Variants in CPPED1 observed in about 807,000 individuals in gnomAD.
CPPED1 encodes calcineurin like phosphoesterase domain containing 1.
A neutral mutation model predicts 28.0 loss-of-function variants in CPPED1; 28 were observed. The ratio of observed to expected loss-of-function variants is 1.00; its 90% CI spans 0.74 to 1.37. The LOEUF (loss-of-function observed/expected upper bound fraction) is 1.37, where lower values mean the gene tolerates loss of function less well. Ranked by LOEUF, CPPED1 falls within the 40% of genes most tolerant of loss-of-function variation. The probability of loss-of-function intolerance (pLI) is 0.00; values close to 1 mark genes in which losing one functional copy is unlikely to be tolerated. For synonymous variants in CPPED1, 198 were observed against 180.2 expected (o/e 1.10, Z -0.79); for missense variants, 504 against 416.5 (o/e 1.21, Z -1.83).
intron 2 of CPPED1, among the ~76,000 whole-genome samples, chr16:12,715,950 A>G (rs2080105027): frequency 6.6e-6 from 1 of 152,178 alleles, no homozygotes; most frequent in Non-Finnish European, 1.5e-5. Context: ...CAGGGAAGCC[A>G]AAAGACTGGA....
rs183635433 is a variant in CPPED1 at position 12,744,109 on chromosome 16, T to C, written c.289+37076A>G. ...GGCTAACATGGTGAAACCCTGTCTC[T>C]ACTAAAAATACAAAAAATTAGCCGG... On this transcript the variant is annotated intron_variant, in intron 2 of 3. Coordinates refer to ENST00000381774, the MANE Select transcript of CPPED1 (RefSeq NM_018340.3). 5.4e-4 allele frequency among the ~76,000 whole-genome samples: 82 copies of C among 151,794 alleles called. 1 individual carries two copies. The East Asian group carries it at 0.01, about 19-fold the overall frequency.
intron 2 of CPPED1, among the ~76,000 whole-genome samples, chr16:12,739,449 C>T (rs897186566): frequency 6.6e-6 from 1 of 152,050 alleles, no homozygotes; most frequent in Non-Finnish European, 1.5e-5. Context: ...GGCATGGTGG[C>T]AGGCGCCTGT....
At chr16:12,765,211 T>C (rs1156942861) in intron 2 of CPPED1, among the ~76,000 whole-genome samples, 1 of 152,250 alleles carries the variant, frequency 6.6e-6, no homozygotes, top group Non-Finnish European at 1.5e-5. Context: ...TGTAAATTCA[T>C]TGATCTAAAA....
chr16:12,685,449 C>CA (rs200771681), intron 3 of CPPED1, among the ~76,000 whole-genome samples: 2,223 of 152,156 alleles, frequency 0.015, 49 homozygotes, highest in African/African-American at 0.05. Flanking sequence ...GATTTCATCT[C>CA]AAAAAATAAA....
chr16:12,693,981 G>A (rs570943830), intron 3 of CPPED1, among the ~76,000 whole-genome samples: 203 of 152,222 alleles, frequency 1.3e-3, no homozygotes, highest in Non-Finnish European at 2.7e-3. Context: ...TGAGGTGGGC[G>A]GGTCACCTGA....
intron 3 of CPPED1, among the ~76,000 whole-genome samples, chr16:12,697,101 T>G (rs1313792452): frequency 3.3e-5 from 5 of 152,140 alleles, no homozygotes; most frequent in Non-Finnish European, 7.3e-5. Flanking sequence ...CTCAGCTCAC[T>G]GTAACCTCTG....
At position 12,704,802 on chromosome 16, in the gene CPPED1, C is replaced by G. The variant is rs1470018457; in HGVS notation, c.537G>C (p.Gln179His). The change falls in exon 3 of 4, where the codon CAG becomes CAC. Residue 179 changes from glutamine to histidine, a missense_variant. Gln to His is a conservative substitution (Grantham distance 24, BLOSUM62 0). Coordinates refer to ENST00000381774, the MANE Select transcript of CPPED1 (RefSeq NM_018340.3). ...GCTCGTCCAGCCACTGGTCCTGAGCCTGCTTCAGGCTGGGGCATTTGGAGG... is the reference window on the plus strand; with the variant it reads ...GCTCGTCCAGCCACTGGTCCTGAGCGTGCTTCAGGCTGGGGCATTTGGAGG... ...ENPSKCPSLK[Q>H]AQDQWLDEQL... 6.2e-7 allele frequency: 1 copy of G among 1,614,128 alleles called. No homozygotes were observed. The highest frequency in any genetic ancestry group is 1.3e-5 in the African/African-American group (1 of 74,946).
At chr16:12,777,181 T>C (rs898663447) in intron 2 of CPPED1, among the ~76,000 whole-genome samples, 1 of 152,222 alleles carries the variant, frequency 6.6e-6, no homozygotes, top group South Asian at 2.1e-4. Context: ...TGAAGAACTC[T>C]TCAAGGAAAC....
At chr16:12,788,852 T>C (rs1400284497) in intron 1 of CPPED1, among the ~76,000 whole-genome samples, 2 of 152,212 alleles carry the variant, frequency 1.3e-5, no homozygotes, top group Non-Finnish European at 2.9e-5. Flanking sequence ...GACCCAGAGC[T>C]TTTCCCTGGT....
intron 1 of CPPED1, among the ~76,000 whole-genome samples, chr16:12,781,725 G>C (rs1353409638): frequency 6.6e-6 from 1 of 152,094 alleles, no homozygotes; most frequent in Non-Finnish European, 1.5e-5. Context: ...GAAGATATTC[G>C]TGCTCCATAA....
intron 3 of CPPED1, among the ~76,000 whole-genome samples, chr16:12,675,538 A>T (rs567115393): frequency 6.6e-6 from 1 of 152,330 alleles, no homozygotes; most frequent in East Asian, 1.9e-4. Flanking sequence ...GTATAATGTA[A>T]TATTCTAACA....
chr16:12,758,512 G>A (rs989066365), intron 2 of CPPED1, among the ~76,000 whole-genome samples: 1 of 152,164 alleles, frequency 6.6e-6, no homozygotes, highest in Non-Finnish European at 1.5e-5. Flanking sequence ...TCATAGCCAT[G>A]ACAATTACTG....
chr16:12,766,234 A>C (rs1188651047), intron 2 of CPPED1, among the ~76,000 whole-genome samples: 1 of 128,476 alleles, frequency 7.8e-6, no homozygotes, highest in Non-Finnish European at 1.6e-5. Context: ...CTCTACAAAA[A>C]AAATACAAAT....
At position 12,662,467 on chromosome 16, in the gene CPPED1, G is replaced by C. The variant is rs2079800536; in HGVS notation, c.*2419C>G. On this transcript the variant is annotated 3_prime_UTR_variant, in exon 4 of 4. Transcript: ENST00000381774. The stretch of plus-strand genomic sequence containing the variant: ...ATATATTGCGAAGTGGTGAAGTCCA[G>C]GCTTTTCCTGCAACCAACACCAGAA... 1.3e-5 allele frequency: 2 copies of C among 152,166 alleles called. No individual in the cohort carries two copies. Among genetic ancestry groups the C allele is most frequent in the Non-Finnish European group, 2.9e-5 (2 of 68,050 alleles). 9.4% of individuals were successfully genotyped at this position (152,166 alleles called of 1,614,324 possible). A position where few individuals can be genotyped will look rare whatever the true frequency, so the allele number is the denominator to read the frequency against.
At chr16:12,728,747 A>C (rs1484833587) in intron 2 of CPPED1, among the ~76,000 whole-genome samples, 1 of 152,202 alleles carries the variant, frequency 6.6e-6, no homozygotes, top group Non-Finnish European at 1.5e-5. Flanking sequence ...CATCAAATGA[A>C]GTGAGCTATA....
chr16:12,764,207 T>A (rs2080426207), intron 2 of CPPED1, among the ~76,000 whole-genome samples: 1 of 151,904 alleles, frequency 6.6e-6, no homozygotes, highest in Admixed American at 6.6e-5. Context: ...ATTTTAATTT[T>A]TTTTTTTTTC....
intron 3 of CPPED1, among the ~76,000 whole-genome samples, chr16:12,676,457 A>C (rs2079878191): frequency 6.6e-6 from 1 of 152,218 alleles, no homozygotes; most frequent in African/African-American, 2.4e-5. Context: ...CTCAAGCCTA[A>C]TGAGGACGCT....
At chr16:12,781,918 G>A (rs1386964285) in intron 1 of CPPED1, among the ~76,000 whole-genome samples, 1 of 152,038 alleles carries the variant, frequency 6.6e-6, no homozygotes, top group Non-Finnish European at 1.5e-5. Flanking sequence ...TGGCTATCTG[G>A]TGGGAGGTGT....
intron 3 of CPPED1, among the ~76,000 whole-genome samples, chr16:12,671,688 C>A (rs774676814): frequency 2.6e-5 from 4 of 152,152 alleles, no homozygotes; most frequent in Non-Finnish European, 5.9e-5. Context: ...CAATGATGAA[C>A]GCCATATATG....
Sources: gnomAD v4.1 joint callset for allele counts (sites outside exome capture counted in the v4.1 genomes callset) on GRCh38, gnomAD v4.1.1 for gene constraint, MANE v1.5 for transcripts, NCBI Gene and HGNC (gene_info 2026-07-23, HGNC 2026-07-21) for gene names.